MPPED1: variants seen among roughly 807,000 people sequenced by gnomAD.
MPPED1 encodes the protein metallophosphoesterase domain-containing protein 1.
Under a neutral mutation model 36.2 loss-of-function variants are expected in MPPED1, and 16 were observed. The observed-to-expected ratio is 0.44, with a 90% CI of 0.30 to 0.67. The LOEUF is 0.67. Ranked by LOEUF, MPPED1 falls within the 30% of genes least tolerant of loss-of-function variation. The probability of loss-of-function intolerance (pLI) is 0.10; values close to 1 mark genes in which losing one functional copy is unlikely to be tolerated. For missense variants in MPPED1, 307 were observed against 453.4 expected (o/e 0.68, Z 2.93); for synonymous variants, 199 against 191.3 (o/e 1.04, Z -0.33).
At chr22:43,489,767 C>G (rs1932027528) in intron 4 of MPPED1, among the ~76,000 whole-genome samples, 1 of 152,208 alleles carries the variant, frequency 6.6e-6, no homozygotes, top group Non-Finnish European at 1.5e-5. Context: ...GATCCACCCA[C>G]CTCGGCCTTC....
intron 4 of MPPED1, among the ~76,000 whole-genome samples, chr22:43,497,052 T>A (rs368722611): frequency 1.4e-5 from 2 of 141,568 alleles, no homozygotes; most frequent in African/African-American, 5.3e-5. Flanking sequence ...GTAGTGGTGG[T>A]GGAGATGGTG....
At chr22:43,482,770 G>C (rs530507431) in intron 4 of MPPED1, among the ~76,000 whole-genome samples, 8 of 152,266 alleles carry the variant, frequency 5.3e-5, no homozygotes, top group Non-Finnish European at 1.2e-4. Context: ...ATGGGACAGA[G>C]CTGCAGCCAG....
intron 3 of MPPED1, among the ~76,000 whole-genome samples, chr22:43,472,347 A>C (rs1428535666): frequency 6.6e-6 from 1 of 152,188 alleles, no homozygotes; most frequent in Non-Finnish European, 1.5e-5. Context: ...TTTTTTGAAC[A>C]TCAAAATTTT....
intron 4 of MPPED1, among the ~76,000 whole-genome samples, chr22:43,480,279 G>T (rs1931708907): frequency 6.6e-6 from 1 of 152,148 alleles, no homozygotes; most frequent in Admixed American, 6.6e-5. Context: ...ACTACTGGGG[G>T]CAGGGGCCTG....
chr22:43,436,263 G>A (rs943040835), intron 3 of MPPED1, among the ~76,000 whole-genome samples: 16 of 152,240 alleles, frequency 1.1e-4, no homozygotes, highest in Admixed American at 9.8e-4. Context: ...GCCTGCTGCC[G>A]TGGAGGCGTG....
intron 3 of MPPED1, among the ~76,000 whole-genome samples, chr22:43,455,060 G>A (rs558840177): frequency 6.6e-6 from 1 of 150,982 alleles, no homozygotes; most frequent in South Asian, 2.1e-4. Context: ...CTTGCAGATG[G>A]CTGTCTTCTC....
intron 3 of MPPED1, among the ~76,000 whole-genome samples, chr22:43,460,561 TTTG>T (rs1930923121): frequency 6.6e-6 from 1 of 151,872 alleles, no homozygotes; most frequent in Admixed American, 6.6e-5. Flanking sequence ...TGCACCAAGG[TTTG>T]TTGTTGTTTA....
chr22:43,502,856 G>T lies in MPPED1; in HGVS notation c.862+99G>T. The T allele has an allele frequency of 1.0e-6, 1 of 1,001,398 alleles. No individual in the cohort carries two copies. Among genetic ancestry groups the T allele is most frequent in the African/African-American group, 1.6e-5 (1 of 62,876 alleles). 62.0% of individuals were successfully genotyped at this position (1,001,398 alleles called of 1,614,324 possible). On this transcript the variant is annotated intron_variant, in intron 6 of 6. Transcript: ENST00000443721. This position sits in a 1 kb window ranked among gnomAD's most constrained non-coding sequence, Gnocchi z 5.5. ...CGTTCAGCCAGAAGGGAAATAAATA[G>T]CCCATTCCTACTGTTCGCTTTGTAA...
intron 4 of MPPED1, among the ~76,000 whole-genome samples, chr22:43,485,380 C>A (rs1389436125): frequency 2.0e-5 from 3 of 151,740 alleles, no homozygotes; most frequent in African/African-American, 7.3e-5. Flanking sequence ...ATGAATTCAC[C>A]CATACATGTA....
intron 1 of MPPED1, among the ~76,000 whole-genome samples, chr22:43,417,467 T>G: frequency 6.6e-6 from 1 of 151,764 alleles, no homozygotes; most frequent in Non-Finnish European, 1.5e-5. Flanking sequence ...TTTTTTTCCT[T>G]TTATGGCATT....
At position 43,447,061 on chromosome 22, in the gene MPPED1, G is replaced by T. The variant is rs182446096; in HGVS notation, c.406+11846G>T. On this transcript the variant is annotated intron_variant, in intron 3 of 6. Coordinates refer to ENST00000443721, the MANE Select transcript of MPPED1 (RefSeq NM_001044370.2). ...CTTTCCTGTGTAATGGAGGGTGGCG[G>T]TGCCTTCCTCCCCCCTGCTGGTGGT... Among the ~76,000 whole-genome samples, 687 of 152,268 alleles carry T rather than the reference G, an allele frequency of 4.5e-3. 9 individuals are homozygous for T. The highest frequency in any genetic ancestry group is 0.016 in the African/African-American group (655 of 41,560).
At chr22:43,455,943 G>A (rs1483421656) in intron 3 of MPPED1, among the ~76,000 whole-genome samples, 1 of 152,208 alleles carries the variant, frequency 6.6e-6, no homozygotes, top group Non-Finnish European at 1.5e-5. Context: ...CTGACATTCA[G>A]GTGTCGGCAG....
intron 1 of MPPED1, among the ~76,000 whole-genome samples, chr22:43,419,541 T>C (rs754900211): frequency 6.6e-6 from 1 of 151,082 alleles, no homozygotes; most frequent in Non-Finnish European, 1.5e-5. Context: ...GGAGTGGGGC[T>C]GGGGCCAGGT....
At chr22:43,456,149 A>G (rs1194476837) in intron 3 of MPPED1, among the ~76,000 whole-genome samples, 1 of 152,128 alleles carries the variant, frequency 6.6e-6, no homozygotes, top group East Asian at 1.9e-4. Flanking sequence ...TTCATGCTTC[A>G]TTGCCCCAGC....
At chr22:43,413,325 G>A (rs577169652) in intron 1 of MPPED1, among the ~76,000 whole-genome samples, 86 of 152,210 alleles carry the variant, frequency 5.7e-4, no homozygotes, top group African/African-American at 1.9e-3. Context: ...GCGGCGCCGG[G>A]GGGCGGGGGC....
intron 3 of MPPED1, among the ~76,000 whole-genome samples, chr22:43,470,296 A>G (rs922388693): frequency 7.4e-6 from 1 of 135,754 alleles, no homozygotes; most frequent in Non-Finnish European, 1.5e-5. Flanking sequence ...CCATCCATTC[A>G]TCCATCCATT....
intron 4 of MPPED1, among the ~76,000 whole-genome samples, chr22:43,492,426 C>A (rs1461332197): frequency 6.6e-6 from 1 of 152,040 alleles, no homozygotes; most frequent in Non-Finnish European, 1.5e-5. Context: ...AGACGGTGCC[C>A]ACTAATGGGA....
chr22:43,446,984 G>C (rs189561054), intron 3 of MPPED1, among the ~76,000 whole-genome samples: 6 of 152,318 alleles, frequency 3.9e-5, no homozygotes, highest in African/African-American at 7.2e-5. Context: ...GGACCATGTA[G>C]GCTTAACTTG....
chr22:43,503,095 A>G (rs1932763243), intron 6 of MPPED1, among the ~76,000 whole-genome samples: 1 of 152,140 alleles, frequency 6.6e-6, no homozygotes, highest in Admixed American at 6.5e-5. Flanking sequence ...TGGAGGATGC[A>G]TTATATTTGG....
Sources: allele counts gnomAD v4.1 joint callset (sites outside exome capture counted in the v4.1 genomes callset), GRCh38; gene constraint gnomAD v4.1.1; non-coding constraint Gnocchi (gnomAD v3.1); transcripts MANE v1.5; gene names NCBI Gene and HGNC (gene_info 2026-07-23, HGNC 2026-07-21).